The following MPZL1 variants were observed in gnomAD, a reference collection of about 807,000 sequenced individuals.
MPZL1 encodes the protein myelin protein zero-like protein 1.
In MPZL1, 16 loss-of-function variants were observed where a neutral mutation model predicts 29.3. The observed-to-expected ratio is 0.55, with a 90% confidence interval of 0.37 to 0.83. The LOEUF is 0.83. Ranked by LOEUF, MPZL1 falls within the 40% of genes least tolerant of loss-of-function variation. MPZL1 has a pLI of 0.00. For synonymous variants in MPZL1, 143 were observed against 132.0 expected, an observed-to-expected ratio of 1.08 and a Z score of -0.57; for missense variants, 279 against 332.9, an observed-to-expected ratio of 0.84 and a Z score of 1.26.
chr1:167,740,540 C>A (rs1337011003), intron 1 of MPZL1, among the ~76,000 whole-genome samples: 1 of 152,178 alleles, frequency 6.6e-6, no homozygotes, highest in East Asian at 1.9e-4. Context: ...TTTCCGCCAC[C>A]TTTTCAGGGT....
At chr1:167,734,428 C>T (rs1660336458) in intron 1 of MPZL1, among the ~76,000 whole-genome samples, 1 of 152,132 alleles carries the variant, frequency 6.6e-6, no homozygotes, top group South Asian at 2.1e-4. Flanking sequence ...TTCTAACACC[C>T]TGAGTTGCGT....
chr1:167,769,817 A>G (rs1162976359), intron 2 of MPZL1, among the ~76,000 whole-genome samples: 1 of 152,360 alleles, frequency 6.6e-6, no homozygotes, highest in East Asian at 1.9e-4. Context: ...AAGAGGCCAT[A>G]GTCCAAGATG....
intron 1 of MPZL1, among the ~76,000 whole-genome samples, chr1:167,724,071 A>C (rs571525427): frequency 2.6e-5 from 4 of 152,244 alleles, no homozygotes; most frequent in East Asian, 3.9e-4. Context: ...CTGGGGCTAC[A>C]GGTGTGTGCC....
intron 1 of MPZL1, among the ~76,000 whole-genome samples, chr1:167,732,796 T>C (rs958593748): frequency 2.0e-5 from 3 of 152,192 alleles, no homozygotes; most frequent in African/African-American, 7.2e-5. Flanking sequence ...TTTGTAGAGA[T>C]GGGGTTTCGC....
At chr1:167,738,666 G>T (rs1660432410) in intron 1 of MPZL1, among the ~76,000 whole-genome samples, 1 of 152,010 alleles carries the variant, frequency 6.6e-6, no homozygotes, top group African/African-American at 2.4e-5. Flanking sequence ...GAGTGAGTGA[G>T]TGAGTTATTG....
chr1:167,782,648 T>C (rs1661519814), intron 5 of MPZL1, among the ~76,000 whole-genome samples: 1 of 152,192 alleles, frequency 6.6e-6, no homozygotes, highest in Admixed American at 6.5e-5. Context: ...TTCTTTAGGA[T>C]ATGTTACCTT....
chr1:167,757,296 T>C (rs1434658418), intron 1 of MPZL1, among the ~76,000 whole-genome samples: 5 of 152,224 alleles, frequency 3.3e-5, no homozygotes, highest in Admixed American at 3.3e-4. Flanking sequence ...GTAGAAGTCA[T>C]AGTAGACACT....
intron 1 of MPZL1, among the ~76,000 whole-genome samples, chr1:167,752,445 G>A (rs1301670090): frequency 3.9e-5 from 6 of 152,116 alleles, no homozygotes; most frequent in Middle Eastern, 3.2e-3. Context: ...CACACTGTAG[G>A]ACACAAAGTT....
chr1:167,778,633 C>A, intron 5 of MPZL1, among the ~76,000 whole-genome samples: 1 of 151,216 alleles, frequency 6.6e-6, no homozygotes. Flanking sequence ...CAATCAGAAA[C>A]AAATTCAGAA....
At chr1:167,746,254 G>A (rs919400719) in intron 1 of MPZL1, among the ~76,000 whole-genome samples, 4 of 151,944 alleles carry the variant, frequency 2.6e-5, no homozygotes, top group Admixed American at 2.0e-4. Context: ...AGAGTGTGCT[G>A]TGTTGGGGAA....
chr1:167,739,810 T>C (rs74484581), intron 1 of MPZL1, among the ~76,000 whole-genome samples: 4,247 of 152,292 alleles, frequency 0.028, 192 homozygotes, highest in African/African-American at 0.088. Context: ...TTACCCCTCT[T>C]ATCTGCTCAG....
intron 1 of MPZL1, among the ~76,000 whole-genome samples, chr1:167,727,430 ATCTTGCTC>A: frequency 6.6e-6 from 1 of 152,298 alleles, no homozygotes; most frequent in East Asian, 1.9e-4. Context: ...AAGATTTTTA[ATCTTGCTC>A]TCTAAGACCA....
chr1:167,754,508 G>A (rs1295199744), intron 1 of MPZL1, among the ~76,000 whole-genome samples: 5 of 152,164 alleles, frequency 3.3e-5, no homozygotes, highest in African/African-American at 7.2e-5. Context: ...TTTCTCTGCC[G>A]ACATGTAAAC....
chr1:167,768,415 T>G (rs1323989889), intron 2 of MPZL1, among the ~76,000 whole-genome samples: 2 of 152,094 alleles, frequency 1.3e-5, no homozygotes, highest in Admixed American at 1.3e-4. Flanking sequence ...CTTTTAGCCC[T>G]TAAAACTCAC....
At position 167,765,759 on chromosome 1, in the gene MPZL1, C is replaced by G. The variant is rs775647178; in HGVS notation, c.258+10C>G. ...CGACACTACTGTGTCGGTAAGAATG[C>G]TTGACTTCTCTTGGCTAGTCCTGCC... On this transcript the variant is annotated intron_variant, in intron 2 of 5. Transcript: ENST00000359523. 32 of 1,584,922 alleles carry G rather than the reference C, an allele frequency of 2.0e-5. 1 individual carries two copies. The highest frequency in any genetic ancestry group is 3.7e-5 in the Admixed American group (2 of 54,368).
In MPZL1 at chr1:167,787,939, A is replaced by G. The variant is rs1245743878; in HGVS notation, c.*18A>G. 2.5e-6 allele frequency: 4 copies of G among 1,589,016 alleles called. No homozygotes were observed. Among genetic ancestry groups the G allele is most frequent in the Admixed American group, 1.7e-5 (1 of 59,952 alleles). The stretch of plus-strand genomic sequence containing the variant: ...AGAATTAAGAGAATACCTAGAACAT[A>G]TCCTCAGCAAGAAACAAAACCAAAC... On this transcript the variant is annotated 3_prime_UTR_variant, in exon 6 of 6. Transcript: ENST00000359523.
Position 167,776,179 on chromosome 1 carries a change from T to A in MPZL1, c.708+13T>A. On this transcript the variant is annotated intron_variant, in intron 5 of 5. Coordinates refer to ENST00000359523, the MANE Select transcript of MPZL1 (RefSeq NM_003953.6). ...TGGATCTCACCAGGTAATGGCTGAT[T>A]GCGATTCTGCCCACTGCACTGTTCC... The A allele has an allele frequency of 1.3e-6, 2 of 1,591,016 alleles. No individual in the cohort carries two copies. Among genetic ancestry groups the A allele is most frequent in the South Asian group, 1.1e-5 (1 of 90,232 alleles).
intron 1 of MPZL1, 100 bp downstream of exon 1, chr1:167,722,342 G>A: frequency 8.1e-7 from 1 of 1,227,140 alleles, no homozygotes; most frequent in Middle Eastern, 3.1e-4. Context: ...CGCACTGAGA[G>A]CCGAGGTGGG....
At chr1:167,751,726 A>C (rs1218415610) in intron 1 of MPZL1, among the ~76,000 whole-genome samples, 1 of 152,244 alleles carries the variant, frequency 6.6e-6, no homozygotes, top group African/African-American at 2.4e-5. Flanking sequence ...GTTTTTAAAA[A>C]TATCCCTCAC....
Sources: gnomAD v4.1 joint callset for allele counts (sites outside exome capture counted in the v4.1 genomes callset) on GRCh38, gnomAD v4.1.1 for gene constraint, MANE v1.5 for transcripts, NCBI Gene and HGNC (gene_info 2026-07-23, HGNC 2026-07-21) for gene names.